The following PRSS48 variants were observed in gnomAD, a reference collection of about 807,000 sequenced individuals.
PRSS48 encodes the protein serine protease 48, also known as epidermis-specific serine protease-like protein.
In PRSS48, 21 loss-of-function variants were observed where a neutral mutation model predicts 25.6. That is an observed-to-expected ratio of 0.82 (90% CI 0.58 to 1.18). PRSS48 has a LOEUF of 1.18. Ranked by LOEUF, PRSS48 falls within the 50% of genes most tolerant of loss-of-function variation. PRSS48 has a pLI of 0.00. For missense variants in PRSS48, 373 were observed against 399.3 expected, an observed-to-expected ratio of 0.93 and a Z score of 0.56; for synonymous variants, 150 against 149.3, an observed-to-expected ratio of 1.00 and a Z score of -0.04.
chr4:151,278,226 A>G (rs1773837427), intron 1 of PRSS48, among the ~76,000 whole-genome samples: 1 of 152,160 alleles, frequency 6.6e-6, no homozygotes, highest in South Asian at 2.1e-4. Flanking sequence ...CATATTCCTG[A>G]TGGTGACCTT....
rs183697671 is a variant in PRSS48 at position 151,286,935 on chromosome 4, G to A, written c.651+3649G>A. Among the ~76,000 whole-genome samples, 125 of 150,728 alleles carry A rather than the reference G, an allele frequency of 8.3e-4. 1 individual carries two copies. In the East Asian group the frequency reaches 0.02, roughly 24 times the overall value. On this transcript the variant is annotated intron_variant, in intron 4 of 4. Transcript: ENST00000455694. The stretch of plus-strand genomic sequence containing the variant: ...GTAGAGGTTACAGTGAGCCGAGATC[G>A]CGCCACTGCACTCCAGCCTGGGTGA...
At chr4:151,278,225 G>C (rs1773837137) in intron 1 of PRSS48, among the ~76,000 whole-genome samples, 1 of 152,082 alleles carries the variant, frequency 6.6e-6, no homozygotes, top group Non-Finnish European at 1.5e-5. Flanking sequence ...TCATATTCCT[G>C]ATGGTGACCT....
At chr4:151,280,707 C>G (rs1774133893) in intron 2 of PRSS48, among the ~76,000 whole-genome samples, 1 of 152,016 alleles carries the variant, frequency 6.6e-6, no homozygotes, top group Non-Finnish European at 1.5e-5. Context: ...AGAAGGATCA[C>G]TTGAGCCTAG....
At chr4:151,287,317 G>A (rs1774896922) in intron 4 of PRSS48, among the ~76,000 whole-genome samples, 1 of 146,746 alleles carries the variant, frequency 6.8e-6, no homozygotes, top group South Asian at 2.2e-4. Context: ...CTCCAGCCTC[G>A]GTTACAGAGC....
chr4:151,281,897 G>A (rs936290715), intron 2 of PRSS48, among the ~76,000 whole-genome samples: 3 of 151,966 alleles, frequency 2.0e-5, no homozygotes, highest in Non-Finnish European at 2.9e-5. Context: ...TGAGAGAACC[G>A]GAGAGAAAAC....
intron 1 of PRSS48, 145 bp downstream of exon 1, chr4:151,277,369 C>A: frequency 4.1e-6 from 2 of 486,590 alleles, no homozygotes; most frequent in Non-Finnish European, 6.6e-6. Flanking sequence ...TACTATATAC[C>A]CAGCACCATT....
downstream of PRSS48, chr4:151,291,589 A>C (rs1434516042): frequency 1.9e-5 from 12 of 622,678 alleles, no homozygotes; most frequent in African/African-American, 5.5e-5. Context: ...ACTTCTGTAC[A>C]TTCTTTGTCC....
At chr4:151,291,394 G>T (rs1775326425) in exon 5 of PRSS48, 1 of 1,614,036 alleles carries the variant, frequency 6.2e-7, no homozygotes, top group Non-Finnish European at 8.5e-7. Context: ...AGCTGAAGCT[G>T]TTGCTTGCAT....
chr4:151,277,858 T>C (rs1366367280), intron 1 of PRSS48, among the ~76,000 whole-genome samples: 1 of 152,102 alleles, frequency 6.6e-6, no homozygotes, highest in Admixed American at 6.6e-5. Flanking sequence ...CTGGGCAACA[T>C]GGTGAAACCC....
intron 4 of PRSS48, 93 bp from the exon 5 acceptor site, chr4:151,291,025 T>C (rs1775280278): frequency 2.1e-6 from 2 of 938,736 alleles, no homozygotes; most frequent in Non-Finnish European, 3.1e-6. Flanking sequence ...ATGGGTCTCA[T>C]GGCCCAGTTT....
exon 3 of PRSS48, chr4:151,282,286 G>A: frequency 6.2e-7 from 1 of 1,613,952 alleles, no homozygotes; most frequent in Non-Finnish European, 8.5e-7. Flanking sequence ...TCGCCTTGTT[G>A]AAACTGTCCT....
chr4:151,279,702 A>G (rs1773998183), intron 1 of PRSS48, 94 bp from the exon 2 acceptor site: 4 of 1,255,224 alleles, frequency 3.2e-6, no homozygotes, highest in Non-Finnish European at 4.6e-6. Context: ...TTCAGGTCCT[A>G]GGAATAGATG....
chr4:151,284,992 C>G (rs960985868), intron 4 of PRSS48, among the ~76,000 whole-genome samples: 1 of 152,148 alleles, frequency 6.6e-6, no homozygotes, highest in Non-Finnish European at 1.5e-5. Flanking sequence ...TAAGGTAGCT[C>G]TGAACTCTAT....
At chr4:151,282,094 C>A (rs1774292394) in intron 2 of PRSS48, 54 bp from the exon 3 acceptor site, 1 of 1,591,408 alleles carries the variant, frequency 6.3e-7, no homozygotes, top group African/African-American at 1.3e-5. Context: ...ATATAGGCAG[C>A]CTGTTCTGAC....
intron 4 of PRSS48, 47 bp from the exon 5 acceptor site, chr4:151,291,071 T>A: frequency 7.0e-7 from 1 of 1,436,636 alleles, no homozygotes; most frequent in Non-Finnish European, 9.5e-7. Context: ...TACTCTCTTC[T>A]TTATGCCTCT....
chr4:151,290,070 C>T lies in PRSS48; in HGVS notation c.652-1048C>T, dbSNP rs1335884296. Among the ~76,000 whole-genome samples the T allele has an allele frequency of 3.3e-5, 5 of 152,262 alleles. No homozygotes were observed. The East Asian group carries it at 5.8e-4, about 18-fold the overall frequency. ...AAGCAATACTTCTGCCTCAGCTTCC[C>T]GAGTGGTTGGGATGACAGGCATATG... On this transcript the variant is annotated intron_variant, in intron 4 of 4. Coordinates refer to ENST00000455694, the Ensembl canonical transcript of PRSS48.
At chr4:151,278,502 GAA>G (rs975921199) in intron 1 of PRSS48, among the ~76,000 whole-genome samples, 2 of 151,974 alleles carry the variant, frequency 1.3e-5, no homozygotes, top group Admixed American at 1.3e-4. Context: ...TGAAAAGTAA[GAA>G]AAGTCTCTAA....
chr4:151,286,281 A>C (rs1172806493), intron 4 of PRSS48, among the ~76,000 whole-genome samples: 3 of 151,382 alleles, frequency 2.0e-5, no homozygotes, highest in African/African-American at 7.2e-5. Flanking sequence ...ACAGAAAGAC[A>C]ATAGAGAAAA....
chr4:151,289,224 A>G lies in PRSS48; in HGVS notation c.652-1894A>G, dbSNP rs143493484. Among the ~76,000 whole-genome samples, 639 of 152,346 alleles carry G rather than the reference A, an allele frequency of 4.2e-3. 3 individuals are homozygous for G. The highest frequency in any genetic ancestry group is 0.014 in the African/African-American group (594 of 41,578). Reference sequence around the variant, plus strand: ...TTGGACCCTGACCTCGCCATATAACAAATTAACTCAAAATGGATCTAAGAC... The same window carrying G: ...TTGGACCCTGACCTCGCCATATAACGAATTAACTCAAAATGGATCTAAGAC... On this transcript the variant is annotated intron_variant, in intron 4 of 4. Coordinates refer to ENST00000455694, the Ensembl canonical transcript of PRSS48.
Sources: gnomAD v4.1 joint callset for allele counts (sites outside exome capture counted in the v4.1 genomes callset) on GRCh38, gnomAD v4.1.1 for gene constraint, MANE v1.5 for transcripts, NCBI Gene and HGNC (gene_info 2026-07-23, HGNC 2026-07-21) for gene names.